Variants in FHIT observed in about 807,000 individuals in gnomAD.
The protein encoded by FHIT is fragile histidine triad diadenosine triphosphatase, also known as bis(5'-adenosyl)-triphosphatase.
In FHIT, 19 loss-of-function variants were observed where a neutral mutation model predicts 17.9. The observed-to-expected ratio is 1.06, with a 90% CI of 0.74 to 1.56. The LOEUF is 1.56. FHIT is among the 40% of genes most tolerant of loss of function. FHIT has a pLI of 0.00. For synonymous variants in FHIT, 81 were observed against 69.7 expected (o/e 1.16, Z -0.81); for missense variants, 248 against 189.2 (o/e 1.31, Z -1.82).
At chr3:60,044,428 G>T (rs1424401515) in intron 5 of FHIT, among the ~76,000 whole-genome samples, 1 of 152,152 alleles carries the variant, frequency 6.6e-6, no homozygotes, top group African/African-American at 2.4e-5. Flanking sequence ...TTCAGCATGA[G>T]TGCCCAGGGT....
intron 8 of FHIT, among the ~76,000 whole-genome samples, chr3:59,767,226 C>A (rs1367896969): frequency 3.3e-5 from 5 of 152,108 alleles, no homozygotes; most frequent in Non-Finnish European, 5.9e-5. Context: ...GGGCCGGGCG[C>A]GGTGGCTCAC....
intron 4 of FHIT, among the ~76,000 whole-genome samples, chr3:60,797,080 T>G (rs1701009264): frequency 1.3e-5 from 2 of 152,208 alleles, no homozygotes; most frequent in South Asian, 4.1e-4. Flanking sequence ...ATTTCAAAGT[T>G]GTTTGCAAAA....
chr3:60,961,748 G>C (rs1709459592), intron 3 of FHIT, among the ~76,000 whole-genome samples: 1 of 152,174 alleles, frequency 6.6e-6, no homozygotes, highest in African/African-American at 2.4e-5. Context: ...TCGATGTGTG[G>C]TATTATTTCT....
chr3:60,703,124 C>G (rs782806777), intron 4 of FHIT, among the ~76,000 whole-genome samples: 1 of 152,010 alleles, frequency 6.6e-6, no homozygotes, highest in Non-Finnish European at 1.5e-5. Flanking sequence ...AGAAGCAAAA[C>G]CAGAGATATA....
At chr3:59,978,186 G>A (rs1001241335) in intron 7 of FHIT, among the ~76,000 whole-genome samples, 2 of 152,036 alleles carry the variant, frequency 1.3e-5, no homozygotes, top group Non-Finnish European at 2.9e-5. Context: ...ACTTACTCCA[G>A]TTGCATGGCT....
intron 3 of FHIT, among the ~76,000 whole-genome samples, chr3:60,910,587 A>G (rs1265776100): frequency 1.3e-5 from 2 of 151,476 alleles, no homozygotes; most frequent in African/African-American, 2.4e-5. Context: ...AATTTTTTGT[A>G]TTTTTTAGCA....
At chr3:60,255,690 T>G (rs1705952960) in intron 5 of FHIT, among the ~76,000 whole-genome samples, 4 of 152,204 alleles carry the variant, frequency 2.6e-5, no homozygotes, top group Admixed American at 2.0e-4. Context: ...AAATGAGGAC[T>G]AAAGAAAACA....
intron 7 of FHIT, among the ~76,000 whole-genome samples, chr3:59,970,944 G>T (rs1471058341): frequency 6.7e-6 from 1 of 149,866 alleles, no homozygotes; most frequent in African/African-American, 2.5e-5. Flanking sequence ...CCTCCTCTTT[G>T]TGAGTCCTTG....
chr3:61,192,577 G>T (rs544942040), intron 2 of FHIT, among the ~76,000 whole-genome samples: 2 of 152,266 alleles, frequency 1.3e-5, no homozygotes, highest in South Asian at 4.1e-4. Flanking sequence ...TTCCCCTATT[G>T]TTTGAACCAT....
At chr3:59,979,197 C>G (rs1197262565) in intron 7 of FHIT, among the ~76,000 whole-genome samples, 1 of 152,110 alleles carries the variant, frequency 6.6e-6, no homozygotes, top group African/African-American at 2.4e-5. Context: ...AATCAGCTCT[C>G]AGAAGCAGCC....
intron 5 of FHIT, among the ~76,000 whole-genome samples, chr3:60,192,474 G>C (rs372755510): frequency 6.6e-6 from 1 of 152,128 alleles, no homozygotes; most frequent in African/African-American, 2.4e-5. Context: ...CTGTGGAGGA[G>C]TTTCCGTTCT....
At chr3:60,760,064 T>C (rs1699587821) in intron 4 of FHIT, among the ~76,000 whole-genome samples, 1 of 152,162 alleles carries the variant, frequency 6.6e-6, no homozygotes, top group Admixed American at 6.6e-5. Context: ...TCTCTTTCTT[T>C]CCATTTCTCT....
chr3:59,998,422 A>G (rs1351326700), intron 7 of FHIT, among the ~76,000 whole-genome samples: 2 of 152,166 alleles, frequency 1.3e-5, no homozygotes, highest in African/African-American at 4.8e-5. Context: ...ACCAGAGAGG[A>G]AAAGCCTAGA....
intron 2 of FHIT, among the ~76,000 whole-genome samples, chr3:61,062,862 T>G (rs2034475109): frequency 6.6e-6 from 1 of 152,188 alleles, no homozygotes; most frequent in Non-Finnish European, 1.5e-5. Flanking sequence ...CTCCACGGGA[T>G]ACATAGTTGC....
At chr3:59,861,072 C>A (rs1370985197) in intron 8 of FHIT, among the ~76,000 whole-genome samples, 1 of 152,000 alleles carries the variant, frequency 6.6e-6, no homozygotes, top group African/African-American at 2.4e-5. Flanking sequence ...TGAAACAGAG[C>A]TTGACTGGCT....
intron 5 of FHIT, among the ~76,000 whole-genome samples, chr3:60,188,928 T>C (rs951732481): frequency 1.3e-5 from 2 of 152,140 alleles, no homozygotes; most frequent in South Asian, 2.1e-4. Context: ...TACACTTCTA[T>C]TCATCTAAAA....
intron 5 of FHIT, among the ~76,000 whole-genome samples, chr3:60,052,255 C>T (rs1036980629): frequency 2.2e-4 from 34 of 152,248 alleles, no homozygotes; most frequent in African/African-American, 8.2e-4. Flanking sequence ...TAGCAGGAAT[C>T]AGAGCAGCAA....
intron 3 of FHIT, among the ~76,000 whole-genome samples, chr3:60,963,318 C>G (rs1289539072): frequency 3.3e-5 from 5 of 152,118 alleles, no homozygotes; most frequent in African/African-American, 1.2e-4. Context: ...ATTCTTCTCT[C>G]TTTTCTTCTT....
chr3:60,217,280 G>C (rs964045142), intron 5 of FHIT, among the ~76,000 whole-genome samples: 17 of 151,952 alleles, frequency 1.1e-4, no homozygotes, highest in Non-Finnish European at 1.6e-4. Flanking sequence ...CTAGATTTAA[G>C]AACAAAAACA....
Sources: allele counts gnomAD v4.1 joint callset (sites outside exome capture counted in the v4.1 genomes callset), GRCh38; gene constraint gnomAD v4.1.1; transcripts MANE v1.5; gene names NCBI Gene and HGNC (gene_info 2026-07-23, HGNC 2026-07-21).